ASPH: variants seen among roughly 807,000 people sequenced by gnomAD.
The protein encoded by ASPH is aspartate beta-hydroxylase, also known as aspartyl/asparaginyl beta-hydroxylase.
Under a neutral mutation model 118.4 loss-of-function variants are expected in ASPH, and 100 were observed. That is an observed-to-expected ratio of 0.84 (90% CI 0.72 to 1.00). The LOEUF is 1.00. Among genes scored for constraint, ASPH ranks in the 50% least tolerant of loss-of-function variants. The pLI is 0.00. For missense variants in ASPH, 920 were observed against 919.5 expected (o/e 1.00, Z -0.01); for synonymous variants, 315 against 325.6 (o/e 0.97, Z 0.35).
Position 61,638,315 on chromosome 8 carries a change from A to T in ASPH, c.832+7T>A. The T allele has an allele frequency of 6.2e-7, 1 of 1,600,264 alleles. No individual in the cohort carries two copies. Among genetic ancestry groups the T allele is most frequent in the Non-Finnish European group, 8.5e-7 (1 of 1,176,348 alleles). Reference sequence around the variant, plus strand: ...GCAGAAAATATGTGCTTACAGAAAAAACTTACCTGTGATTTCTATCCCTTC... The same window carrying T: ...GCAGAAAATATGTGCTTACAGAAAATACTTACCTGTGATTTCTATCCCTTC... On this transcript the variant is annotated splice_region_variant and intron_variant, in intron 11 of 24. Coordinates refer to ENST00000379454, the MANE Select transcript of ASPH (RefSeq NM_004318.4).
chr8:61,607,957 G>A (rs528842156), intron 14 of ASPH, among the ~76,000 whole-genome samples: 1 of 152,278 alleles, frequency 6.6e-6, no homozygotes, highest in African/African-American at 2.4e-5. Flanking sequence ...GGAGAATGAG[G>A]ACAGCAGGAG....
chr8:61,576,575 G>C (rs1488348016), intron 16 of ASPH, 197 bp downstream of exon 16: 2 of 479,834 alleles, frequency 4.2e-6, no homozygotes, highest in Non-Finnish European at 7.3e-6. Flanking sequence ...GAAGTCATAT[G>C]GAGGGGGAGC....
intron 13 of ASPH, chr8:61,626,232 G>A (rs1852743067): frequency 6.5e-7 from 1 of 1,532,466 alleles, no homozygotes; most frequent in Non-Finnish European, 8.7e-7. Context: ...GTATGGTTAG[G>A]CTGGTCCTCC....
At chr8:61,669,007 G>A (rs923771720) in intron 3 of ASPH, among the ~76,000 whole-genome samples, 1 of 152,136 alleles carries the variant, frequency 6.6e-6, no homozygotes, top group African/African-American at 2.4e-5. Context: ...GCTGGTTTAT[G>A]CTATGTATTG....
intron 14 of ASPH, among the ~76,000 whole-genome samples, chr8:61,586,264 T>A (rs1473199339): frequency 1.3e-5 from 2 of 152,232 alleles, no homozygotes; most frequent in Non-Finnish European, 2.9e-5. Context: ...TTAGCGGCTT[T>A]AACTACTTAA....
chr8:61,690,535 CCAAA>C (rs1832322987), intron 1 of ASPH, among the ~76,000 whole-genome samples: 2 of 151,936 alleles, frequency 1.3e-5, no homozygotes, highest in South Asian at 4.1e-4. Flanking sequence ...AACCTCATCT[CCAAA>C]CATTCTCTTC....
At chr8:61,663,351 C>G (rs1044025982) in intron 3 of ASPH, 4 of 985,280 alleles carry the variant, frequency 4.1e-6, no homozygotes, top group African/African-American at 1.7e-5. Flanking sequence ...CCAGGCCTAA[C>G]CAGGCCAACT....
At chr8:61,682,009 T>C (rs1393198931) in intron 2 of ASPH, among the ~76,000 whole-genome samples, 1 of 151,994 alleles carries the variant, frequency 6.6e-6, no homozygotes, top group Non-Finnish European at 1.5e-5. Context: ...ATTTTGGCAA[T>C]TGTTATCATT....
At chr8:61,562,554 T>A (rs1830373055) in intron 18 of ASPH, among the ~76,000 whole-genome samples, 190 bp downstream of exon 18, 1 of 152,156 alleles carries the variant, frequency 6.6e-6, no homozygotes, top group Non-Finnish European at 1.5e-5. Context: ...AAGTGTTAAC[T>A]AAGATTTAAA....
intron 16 of ASPH, among the ~76,000 whole-genome samples, chr8:61,568,751 T>G (rs560934034): frequency 1.3e-5 from 2 of 152,004 alleles, no homozygotes; most frequent in African/African-American, 4.8e-5. Context: ...TAAAGGTCAT[T>G]AGAGATCAGG....
chr8:61,684,187 C>A lies in ASPH; in HGVS notation c.105G>T (p.Glu35Asp). 1 of 1,609,472 alleles carries A rather than the reference C, an allele frequency of 6.2e-7. No individual in the cohort carries two copies. The highest frequency in any genetic ancestry group is 8.5e-7 in the Non-Finnish European group (1 of 1,177,954). ...CATTCTTGTGTCCTCCATGCTTTGT[C>A]TCTGTTTAGAAATAAATGTAAGATA... ...AGSSSPGARR[E>D]TKHGGHKNGR... Residue 35 changes from glutamate (E) to aspartate (D), a missense_variant and splice_region_variant, in exon 2 of 25, where the codon GAG (glutamate) becomes GAT (aspartate). Physicochemically the swap from Glu to Asp is conservative, Grantham distance 45 (BLOSUM62 2). Transcript: ENST00000379454.
intron 14 of ASPH, among the ~76,000 whole-genome samples, chr8:61,616,249 G>A (rs988238746): frequency 4.6e-5 from 7 of 152,124 alleles, no homozygotes; most frequent in African/African-American, 1.4e-4. Context: ...CATCCCTGGA[G>A]GTCAGACCTG....
chr8:61,685,431 A>C (rs567969130), intron 1 of ASPH, among the ~76,000 whole-genome samples: 19 of 152,172 alleles, frequency 1.2e-4, no homozygotes, highest in Admixed American at 6.5e-5. Context: ...GGTAGAACTA[A>C]GAACATACTC....
chr8:61,543,409 G>C (rs915139766), intron 21 of ASPH, among the ~76,000 whole-genome samples: 7 of 152,078 alleles, frequency 4.6e-5, no homozygotes, highest in Non-Finnish European at 8.8e-5. Context: ...CCCCTAGTGA[G>C]TTTTTTAACT....
intron 1 of ASPH, among the ~76,000 whole-genome samples, chr8:61,695,442 A>G (rs533289525): frequency 1.8e-4 from 27 of 152,050 alleles, no homozygotes; most frequent in Non-Finnish European, 3.7e-4. Context: ...ATACCTGACC[A>G]TGGTCTTTCC....
chr8:61,636,800 T>C (rs1232106547), intron 12 of ASPH, among the ~76,000 whole-genome samples: 12 of 152,044 alleles, frequency 7.9e-5, no homozygotes, highest in Admixed American at 2.0e-4. Flanking sequence ...AATAAACATA[T>C]AGACTCAGTA....
In ASPH at chr8:61,517,564, T is replaced by C. The variant is rs1429127055; in HGVS notation, c.2090A>G (p.Lys697Arg). 1.2e-6 allele frequency: 2 copies of C among 1,614,174 alleles called. No individual in the cohort carries two copies. Among genetic ancestry groups the C allele is most frequent in the East Asian group, 2.2e-5 (1 of 44,874 alleles). The change falls in exon 24 of 25, where the codon AAG (lysine) becomes AGG (arginine). Residue 697 changes from lysine to arginine, a missense_variant. Physicochemically the swap from Lys to Arg is conservative, Grantham distance 26 (BLOSUM62 2). Coordinates refer to ENST00000379454, the MANE Select transcript of ASPH (RefSeq NM_004318.4). Reference protein sequence around the residue: ...LRMHLGLVIPKEGCKIRCANE... With the variant: ...LRMHLGLVIPREGCKIRCANE... Reference sequence around the variant, plus strand: ...GGCACATCGAATCTTGCAGCCTTCCTTGGGAATCACCAAGCCCAGGTGCAT... The same window carrying C: ...GGCACATCGAATCTTGCAGCCTTCCCTGGGAATCACCAAGCCCAGGTGCAT...
intron 13 of ASPH, chr8:61,624,927 G>A: frequency 1.0e-6 from 1 of 985,020 alleles, no homozygotes; most frequent in Non-Finnish European, 1.2e-6. Context: ...ATTATTTCAG[G>A]TTTCATTACA....
chr8:61,620,345 G>C (rs543734873), intron 13 of ASPH, among the ~76,000 whole-genome samples: 1 of 152,134 alleles, frequency 6.6e-6, no homozygotes, highest in African/African-American at 2.4e-5. Context: ...TAATTCCAAA[G>C]CATACTTTTT....
Sources: gnomAD v4.1 joint callset for allele counts (sites outside exome capture counted in the v4.1 genomes callset) on GRCh38, gnomAD v4.1.1 for gene constraint, MANE v1.5 for transcripts, NCBI Gene and HGNC (gene_info 2026-07-23, HGNC 2026-07-21) for gene names.